RARS1: variants seen among roughly 807,000 people sequenced by gnomAD.
The protein encoded by RARS1 is arginyl-tRNA synthetase 1, also known as arginine--tRNA ligase, cytoplasmic.
RARS1 carries 75 observed loss-of-function variants against 78.7 expected under a neutral mutation model. The ratio of observed to expected loss-of-function variants is 0.95; its 90% CI spans 0.79 to 1.15. The LOEUF is 1.15. Among genes scored for constraint, RARS1 ranks in the 50% most tolerant of loss-of-function variants. RARS1 has a pLI of 0.00. For missense variants in RARS1, 787 were observed against 787.5 expected (o/e 1.00, Z 0.01); for synonymous variants, 273 against 268.2 (o/e 1.02, Z -0.18).
intron 1 of RARS1, chr5:168,488,121 ATTCTTT>A (rs778762666): frequency 5.5e-6 from 2 of 365,276 alleles, no homozygotes; most frequent in South Asian, 2.1e-5. Flanking sequence ...TGGTTAATAT[ATTCTTT>A]TTCTTTTTCT....
At chr5:168,502,466 C>T (rs1758351064) in intron 9 of RARS1, among the ~76,000 whole-genome samples, 1 of 149,408 alleles carries the variant, frequency 6.7e-6, no homozygotes, top group Non-Finnish European at 1.5e-5. Flanking sequence ...CCACCTCGGC[C>T]TCCCAGAGTG....
chr5:168,492,618 T>A lies in RARS1; in HGVS notation c.181-41T>A, dbSNP rs184957. 0.57 allele frequency: 827,925 copies of A among 1,464,420 alleles called. 237,784 individuals carry two copies. Among genetic ancestry groups the A allele is most frequent in the East Asian group, 0.79 (34,703 of 43,680 alleles). The allele number at this position is 1,464,420 out of a possible 1,614,324, so 90.7% of individuals were successfully genotyped here. ...TGGAGACATCTTGTATGATGATGGT[T>A]TTACGTACATTATTGACATGTTTCC... On this transcript the variant is annotated intron_variant, in intron 2 of 14. Transcript: ENST00000231572.
rs2305736 is a variant in RARS1 at position 168,519,071 on chromosome 5, A to G, written c.1874-10A>G. ...ACAAGTTAATTAACAACTTTTTTCT[A>G]TCTTTTCAGGAAAAATATTGAAGGT... On this transcript the variant is annotated splice_polypyrimidine_tract_variant and intron_variant, in intron 14 of 14. Coordinates refer to ENST00000231572, the MANE Select transcript of RARS1 (RefSeq NM_002887.4). 0.19 allele frequency: 309,130 copies of G among 1,594,868 alleles called. 32,286 individuals carry two copies. The highest frequency in any genetic ancestry group is 0.34 in the Admixed American group (19,414 of 57,228).
chr5:168,515,763 T>G (rs1394848918), intron 12 of RARS1, among the ~76,000 whole-genome samples: 1 of 152,258 alleles, frequency 6.6e-6, no homozygotes, highest in African/African-American at 2.4e-5. Context: ...ATTTTGCCGC[T>G]GCAGAACTGC....
intron 2 of RARS1, 47 bp downstream of exon 2, chr5:168,488,783 A>G (rs763370465): frequency 6.6e-7 from 1 of 1,526,126 alleles, no homozygotes; most frequent in Non-Finnish European, 8.8e-7. Context: ...GAATCATTAT[A>G]GCTTTTTTAA....
intron 1 of RARS1, 62 bp from the exon 2 acceptor site, chr5:168,488,540 G>T: frequency 6.6e-7 from 1 of 1,523,748 alleles, no homozygotes; most frequent in Non-Finnish European, 8.9e-7. Context: ...GCCACGCCTT[G>T]GTAGAGAGGG....
chr5:168,488,649 CTG>C lies in RARS1; in HGVS notation c.96_97del (p.Cys32TrpfsTer39), dbSNP rs672601374. ...CTGCTGAAATTGACCGGTTGAAAAA[CTG>C]TGGCTGTTTAGGAGCTTCTCCAAAT... Reference protein sequence around the residue: ...LTAEIDRLKNCGCLGASPNLE... With the variant: ...LTAEIDRLKNXGCLGASPNLE... On this transcript the variant is annotated frameshift_variant, in exon 2 of 15. Transcript: ENST00000231572. LOFTEE classifies it high-confidence loss of function. 9 of 1,611,718 alleles carry C rather than the reference CTG, an allele frequency of 5.6e-6. No homozygotes were observed. Among genetic ancestry groups the C allele is most frequent in the South Asian group, 1.1e-5 (1 of 90,278 alleles).
chr5:168,502,068 T>A lies in RARS1; in HGVS notation c.1020T>A (p.Asp340Glu). The A allele has an allele frequency of 6.2e-7, 1 of 1,604,550 alleles. No individual in the cohort carries two copies. The highest frequency in any genetic ancestry group is 8.5e-7 in the Non-Finnish European group (1 of 1,175,624). The change falls in exon 9 of 15, where the codon GAT (aspartate) becomes GAA (glutamate). Residue 340 changes from aspartate (D) to glutamate (E), a missense_variant. Asp to Glu is a conservative substitution (Grantham distance 45, BLOSUM62 2). Coordinates refer to ENST00000231572, the MANE Select transcript of RARS1 (RefSeq NM_002887.4). Reference protein sequence around the residue: ...LIERGESFYQDRMNDIVKEFE... With the variant: ...LIERGESFYQERMNDIVKEFE... ...AGAGAGGGGAATCCTTCTATCAAGA[T>A]AGGATGAATGATATTGTAAAGGAAT...
chr5:168,500,204 A>C (rs1758286758), intron 7 of RARS1, among the ~76,000 whole-genome samples: 1 of 150,602 alleles, frequency 6.6e-6, no homozygotes, highest in Non-Finnish European at 1.5e-5. Flanking sequence ...CTGTCTCAAA[A>C]AAAAAAAAAA....
chr5:168,517,977 T>C lies in RARS1; in HGVS notation c.1788T>C (p.Thr596=). The change falls in exon 14 of 15, where the codon ACT becomes ACC. Residue 596 remains threonine (T), a synonymous_variant. Coordinates refer to ENST00000231572, the MANE Select transcript of RARS1 (RefSeq NM_002887.4). The part of the protein sequence containing the change: ...QKILDDLFLH[T]LCDYIYELAT... ...TTTTAGATGACTTATTTCTCCACACTCTCTGTGATTATATATATGAGCTGG... is the reference window on the plus strand; with the variant it reads ...TTTTAGATGACTTATTTCTCCACACCCTCTGTGATTATATATATGAGCTGG... The C allele has an allele frequency of 1.2e-6, 2 of 1,612,874 alleles. No individual in the cohort carries two copies. Among genetic ancestry groups the C allele is most frequent in the Non-Finnish European group, 1.7e-6 (2 of 1,179,502 alleles).
Position 168,518,097 on chromosome 5 carries a change from G to GTTTTTTT in RARS1, c.1873+36_1873+37insTTTTTTT, listed in dbSNP as rs1561829748. 5.4e-6 allele frequency: 5 copies of GTTTTTTT among 920,032 alleles called. 1 individual carries two copies. In the African/African-American group the frequency reaches 2.0e-4, roughly 37 times the overall value. 57.0% of individuals were successfully genotyped at this position (920,032 alleles called of 1,614,324 possible). A position where few individuals can be genotyped will look rare whatever the true frequency, so the allele number is the denominator to read the frequency against. ...TTTTTTTTTTTTTTTTTTTTTTTTA[G>GTTTTTTT]TGAGAGACACGGATCTTGCTCTGTC... On this transcript the variant is annotated intron_variant, in intron 14 of 14. Transcript: ENST00000231572.
intron 13 of RARS1, among the ~76,000 whole-genome samples, chr5:168,517,496 G>A (rs767198083): frequency 2.0e-5 from 3 of 152,044 alleles, no homozygotes; most frequent in African/African-American, 7.2e-5. Flanking sequence ...TTGGAAATAC[G>A]TCCTCTTTTA....
At position 168,495,090 on chromosome 5, in the gene RARS1, A is replaced by G. The variant is rs72830962; in HGVS notation, c.580-225A>G. 0.15 allele frequency: 104,427 copies of G among 680,434 alleles called. 9,816 individuals carry two copies. Among genetic ancestry groups the G allele is most frequent in the Non-Finnish European group, 0.19 (87,276 of 468,832 alleles). The allele number at this position is 680,434 out of a possible 1,614,324, so 42.1% of individuals were successfully genotyped here. A position where few individuals can be genotyped will look rare whatever the true frequency, so the allele number is the denominator to read the frequency against. ...CACTGAAATAGAATGGATAATTTGT[A>G]TACATGAATTTGATTCTTTTTCAGT... On this transcript the variant is annotated intron_variant, in intron 5 of 14. Coordinates refer to ENST00000231572, the MANE Select transcript of RARS1 (RefSeq NM_002887.4).
Position 168,517,980 on chromosome 5 carries a change from C to T in RARS1, c.1791C>T (p.Leu597=). 6.2e-7 allele frequency: 1 copy of T among 1,605,288 alleles called. No individual in the cohort carries two copies. Among genetic ancestry groups the T allele is most frequent in the Non-Finnish European group, 8.5e-7 (1 of 1,176,186 alleles). The part of the protein sequence containing the change: ...KILDDLFLHT[L]CDYIYELATA... ...TAGATGACTTATTTCTCCACACTCT[C>T]TGTGATTATATATATGAGCTGGCAA... The change falls in exon 14 of 15, where the codon CTC becomes CTT. Residue 597 remains leucine (L), a synonymous_variant. Coordinates refer to ENST00000231572, the MANE Select transcript of RARS1 (RefSeq NM_002887.4).
intron 1 of RARS1, among the ~76,000 whole-genome samples, chr5:168,487,872 G>A (rs970361191): frequency 6.6e-6 from 1 of 152,172 alleles, no homozygotes; most frequent in Non-Finnish European, 1.5e-5. Flanking sequence ...TTTAGTCCCA[G>A]AAAGGGTGAA....
intron 11 of RARS1, among the ~76,000 whole-genome samples, chr5:168,508,064 T>G (rs1166518458): frequency 6.6e-6 from 1 of 152,088 alleles, no homozygotes; most frequent in Admixed American, 6.6e-5. Context: ...TAAGTCCTTA[T>G]TATAGTGTTT....
intron 11 of RARS1, 48 bp downstream of exon 11, chr5:168,506,879 A>T: frequency 4.2e-6 from 6 of 1,416,958 alleles, no homozygotes; most frequent in Non-Finnish European, 6.0e-6. Flanking sequence ...TGATCCCAAG[A>T]GGCTACTTTT....
rs1758445132 is a variant in RARS1 at position 168,506,336 on chromosome 5, A to G, written c.1236+137A>G. On this transcript the variant is annotated intron_variant, in intron 10 of 14. Transcript: ENST00000231572. ...GATTCAGGACATCAGTATAGCATAGAAGAAAGAAGAGGGTTTGGACCCAGC... is the reference window on the plus strand; with the variant it reads ...GATTCAGGACATCAGTATAGCATAGGAGAAAGAAGAGGGTTTGGACCCAGC... 3 of 741,976 alleles carry G rather than the reference A, an allele frequency of 4.0e-6. 1 individual carries two copies. In the South Asian group the frequency reaches 7.2e-5, roughly 18 times the overall value. 46.0% of individuals were successfully genotyped at this position (741,976 alleles called of 1,614,324 possible).
At chr5:168,488,887 G>C (rs569705599) in intron 2 of RARS1, 151 bp downstream of exon 2, 2 of 908,572 alleles carry the variant, frequency 2.2e-6, no homozygotes, top group Non-Finnish European at 3.2e-6. Context: ...AGACAACTTA[G>C]GACTGAGGTA....
Sources: gnomAD v4.1 joint callset for allele counts (sites outside exome capture counted in the v4.1 genomes callset) on GRCh38, gnomAD v4.1.1 for gene constraint, MANE v1.5 for transcripts, NCBI Gene and HGNC (gene_info 2026-07-23, HGNC 2026-07-21) for gene names.